Variants in COBL observed in about 807,000 individuals in gnomAD.
The protein encoded by COBL is protein cordon-bleu.
In COBL, 51 loss-of-function variants were observed where a neutral mutation model predicts 98.8. The observed-to-expected ratio is 0.52, with a 90% CI of 0.41 to 0.65. The LOEUF (loss-of-function observed/expected upper bound fraction) is 0.65, where lower values mean the gene tolerates loss of function less well. COBL is among the 30% of genes least tolerant of loss of function. The pLI, the probability that COBL is intolerant of heterozygous loss-of-function variation, is 0.00. For missense variants in COBL, 1,617 were observed against 1,617.5 expected (o/e 1.00, Z 0.01); for synonymous variants, 634 against 651.7 (o/e 0.97, Z 0.41).
chr7:51,219,947 TA>T lies in COBL; in HGVS notation c.42-4del. ...GAGCACGAGCCTTCATCTTCCTCCT[TA>T]AAAACAACAACACAAAGGCACAGAG... On this transcript the variant is annotated splice_polypyrimidine_tract_variant and splice_region_variant and intron_variant, in intron 1 of 12. Coordinates refer to ENST00000265136, the MANE Select transcript of COBL (RefSeq NM_015198.5). 1 of 1,608,800 alleles carries T rather than the reference TA, an allele frequency of 6.2e-7. No individual in the cohort carries two copies. Among genetic ancestry groups the T allele is most frequent in the Non-Finnish European group, 8.5e-7 (1 of 1,178,626 alleles).
intron 5 of COBL, among the ~76,000 whole-genome samples, chr7:51,149,693 TC>T (rs1785377518): frequency 6.6e-6 from 1 of 152,158 alleles, no homozygotes; most frequent in Non-Finnish European, 1.5e-5. Flanking sequence ...TGCTACCTCC[TC>T]CTCCCAAGTT....
intron 6 of COBL, among the ~76,000 whole-genome samples, chr7:51,092,457 A>G (rs1364581961): frequency 6.6e-6 from 1 of 152,200 alleles, no homozygotes; most frequent in Non-Finnish European, 1.5e-5. Context: ...AGATTTTTGT[A>G]TATGGCCTGA....
chr7:51,168,861 T>C (rs1042905959), intron 5 of COBL, among the ~76,000 whole-genome samples: 2 of 152,190 alleles, frequency 1.3e-5, no homozygotes, highest in Non-Finnish European at 2.9e-5. Flanking sequence ...AAGACCTAAG[T>C]GTCCATCAGC....
At chr7:51,311,266 A>G (rs1803010030) in intron 1 of COBL, among the ~76,000 whole-genome samples, 1 of 152,228 alleles carries the variant, frequency 6.6e-6, no homozygotes, top group African/African-American at 2.4e-5. Flanking sequence ...CCTGATGAGG[A>G]GAGCAGAGGG....
intron 1 of COBL, among the ~76,000 whole-genome samples, chr7:51,274,161 C>T (rs1000902965): frequency 6.6e-6 from 1 of 152,172 alleles, no homozygotes; most frequent in Admixed American, 6.5e-5. Context: ...TCGCATGGGC[C>T]GCCTCCCGCT....
In COBL at chr7:51,219,823, T is replaced by G; in HGVS notation, c.163A>C (p.Lys55Gln). The G allele has an allele frequency of 6.2e-7, 1 of 1,614,086 alleles. No homozygotes were observed. ...ATGGTGCTGGCCCTCAGCGCCTCCT[T>G]CATGCGAACCAAGTTCTGCTGCGAC... The part of the protein sequence containing the change: ...LGSQQNLVRM[K>Q]EALRASTMDV... The change falls in exon 2 of 13, where the codon AAG (lysine) becomes CAG (glutamine). Residue 55 changes from lysine to glutamine, a missense_variant. Lys to Gln is a moderately conservative substitution (Grantham distance 53). This residue lies in a region of COBL where 238 missense variants were observed against 215.0 expected (regional missense o/e 1.11). Transcript: ENST00000265136.
chr7:51,095,984 G>A (rs759787952), intron 6 of COBL, among the ~76,000 whole-genome samples: 17 of 152,116 alleles, frequency 1.1e-4, no homozygotes, highest in Non-Finnish European at 2.4e-4. Context: ...AGATTAACCA[G>A]AGAGATCCAT....
At chr7:51,256,166 G>T (rs117085207) in intron 1 of COBL, among the ~76,000 whole-genome samples, 3 of 151,996 alleles carry the variant, frequency 2.0e-5, no homozygotes, top group Admixed American at 6.6e-5. Flanking sequence ...GTTTCCAGGC[G>T]GCCCACCCAA....
chr7:51,131,590 C>T (rs1798738319), intron 6 of COBL, among the ~76,000 whole-genome samples: 1 of 149,846 alleles, frequency 6.7e-6, no homozygotes, highest in South Asian at 2.1e-4. Flanking sequence ...ATTGATTCTT[C>T]TTCTTTTTTT....
At chr7:51,265,561 C>T (rs1204703376) in intron 1 of COBL, among the ~76,000 whole-genome samples, 1 of 152,194 alleles carries the variant, frequency 6.6e-6, no homozygotes, top group African/African-American at 2.4e-5. Context: ...GCACAGAGGA[C>T]AGTGAAAAGG....
chr7:51,183,345 G>T (rs920941529), intron 5 of COBL, among the ~76,000 whole-genome samples: 3 of 152,004 alleles, frequency 2.0e-5, no homozygotes, highest in Admixed American at 6.6e-5. Flanking sequence ...TTATTAGTAA[G>T]GATAAAATAC....
At chr7:51,113,021 G>A (rs768366719) in intron 6 of COBL, among the ~76,000 whole-genome samples, 5 of 152,110 alleles carry the variant, frequency 3.3e-5, no homozygotes, top group Non-Finnish European at 7.4e-5. Context: ...TTAACCTTCC[G>A]GAAATGATAA....
chr7:51,017,308 G>T lies in COBL; in HGVS notation c.*243C>A. On this transcript the variant is annotated 3_prime_UTR_variant, in exon 13 of 13. Coordinates refer to ENST00000265136, the MANE Select transcript of COBL (RefSeq NM_015198.5). Reference sequence around the variant, plus strand: ...ACCTGCCAACAAGAATCGTTTATTAGCAACTTAAGATATTCAGAGGCAAAA... The same window carrying T: ...ACCTGCCAACAAGAATCGTTTATTATCAACTTAAGATATTCAGAGGCAAAA... 1 of 592,308 alleles carries T rather than the reference G, an allele frequency of 1.7e-6. No homozygotes were observed. Among genetic ancestry groups the T allele is most frequent in the Non-Finnish European group, 3.0e-6 (1 of 332,538 alleles). The allele number at this position is 592,308 out of a possible 1,614,324, so 36.7% of individuals were successfully genotyped here. A position where few individuals can be genotyped will look rare whatever the true frequency, so the allele number is the denominator to read the frequency against.
chr7:51,061,354 A>G (rs540062521), intron 7 of COBL, among the ~76,000 whole-genome samples: 1 of 152,166 alleles, frequency 6.6e-6, no homozygotes, highest in Non-Finnish European at 1.5e-5. Context: ...ATAATTTTAC[A>G]TCATAGTATT....
chr7:51,030,644 C>T (rs893558128), intron 9 of COBL, among the ~76,000 whole-genome samples, 168 bp downstream of exon 9: 2 of 152,202 alleles, frequency 1.3e-5, no homozygotes, highest in Non-Finnish European at 2.9e-5. Flanking sequence ...AGCAGTCTAC[C>T]GGAAACCTGT....
intron 4 of COBL, among the ~76,000 whole-genome samples, chr7:51,184,954 AC>A (rs1400885743): frequency 6.6e-6 from 1 of 152,224 alleles, no homozygotes; most frequent in African/African-American, 2.4e-5. Context: ...TCTCCCAGGA[AC>A]CACCTTTCCA....
intron 6 of COBL, among the ~76,000 whole-genome samples, chr7:51,096,244 A>G (rs920053036): frequency 6.6e-6 from 1 of 152,176 alleles, no homozygotes; most frequent in Non-Finnish European, 1.5e-5. Flanking sequence ...ATATGTGGAA[A>G]CTGAATAATA....
rs555971517 is a variant in COBL at position 51,134,227 on chromosome 7, T to C, written c.957+1931A>G. On this transcript the variant is annotated intron_variant, in intron 6 of 12. Coordinates refer to ENST00000265136, the MANE Select transcript of COBL (RefSeq NM_015198.5). ...AAATACCTTTCAGTTTAAAAAAGCA[T>C]GTTCATAGCAAATGCTTAAATCTAA... Among the ~76,000 whole-genome samples the C allele has an allele frequency of 1.5e-4, 23 of 152,354 alleles. No individual in the cohort carries two copies. In the East Asian group the frequency reaches 4.2e-3, roughly 28 times the overall value.
At chr7:51,187,281 T>C (rs1157676203) in intron 4 of COBL, among the ~76,000 whole-genome samples, 1 of 149,820 alleles carries the variant, frequency 6.7e-6, no homozygotes, top group East Asian at 2.0e-4. Context: ...GCATTCTACA[T>C]ATGTATATAC....
Sources: gnomAD v4.1 joint callset for allele counts (sites outside exome capture counted in the v4.1 genomes callset) on GRCh38, gnomAD v4.1.1 for gene constraint, gnomAD v4.1.1 regional missense constraint, MANE v1.5 for transcripts, NCBI Gene and HGNC (gene_info 2026-07-23, HGNC 2026-07-21) for gene names.